TBC1D10A: variants seen among roughly 807,000 people sequenced by gnomAD.
TBC1D10A encodes the protein TBC1 domain family member 10A.
TBC1D10A carries 24 observed loss-of-function variants against 52.9 expected under a neutral mutation model. That is an observed-to-expected ratio of 0.45 (90% confidence interval 0.33 to 0.64). The LOEUF is 0.64. TBC1D10A is among the 30% of genes least tolerant of loss of function. TBC1D10A has a pLI of 0.02. For missense variants in TBC1D10A, 602 were observed against 687.9 expected (o/e 0.88, Z 1.40); for synonymous variants, 278 against 282.9 (o/e 0.98, Z 0.17).
At chr22:30,299,667 G>T in intron 2 of TBC1D10A, 116 bp from the exon 3 acceptor site, 4 of 958,950 alleles carry the variant, frequency 4.2e-6, no homozygotes, top group South Asian at 1.6e-5. Context: ...AGCAGAAACA[G>T]GGAGAAAAGA....
chr22:30,319,716 C>T (rs1930613326), intron 1 of TBC1D10A, among the ~76,000 whole-genome samples: 1 of 152,108 alleles, frequency 6.6e-6, no homozygotes, highest in Non-Finnish European at 1.5e-5. Flanking sequence ...ATTGACTTGC[C>T]AGTGGGGTGG....
intron 3 of TBC1D10A, chr22:30,299,145 G>A (rs1463262115): frequency 9.9e-6 from 3 of 301,890 alleles, no homozygotes; most frequent in African/African-American, 2.2e-5. Flanking sequence ...ACTGAGCCCA[G>A]GAAAGCAAAA....
chr22:30,293,657 G>A lies in TBC1D10A; in HGVS notation c.1044C>T (p.Val348=), dbSNP rs778555256. 1 of 1,608,154 alleles carries A rather than the reference G, an allele frequency of 6.2e-7. No homozygotes were observed. The highest frequency in any genetic ancestry group is 1.7e-5 in the Admixed American group (1 of 59,850). ...SPKIMQEAFL[V]QEVVELPVTE... is the part of the protein sequence containing the mutation. ...GGGCAGGCATGGGCTGTACCTCCTG[G>A]ACCAGAAAGGCCTCCTGCATGATCT... The change falls in exon 8 of 9, where the codon GTC becomes GTT. Residue 348 remains valine (V), a synonymous_variant. Coordinates refer to ENST00000215790, the MANE Select transcript of TBC1D10A (RefSeq NM_031937.3).
At chr22:30,299,418 G>A (rs1028923499) in intron 3 of TBC1D10A, 26 bp downstream of exon 3, 4 of 1,608,242 alleles carry the variant, frequency 2.5e-6, no homozygotes, top group Non-Finnish European at 2.6e-6. Context: ...CGGAAGGGAG[G>A]GCAGGGCAAA....
At chr22:30,321,277 C>A (rs1601681921) in intron 1 of TBC1D10A, among the ~76,000 whole-genome samples, 1 of 152,172 alleles carries the variant, frequency 6.6e-6, no homozygotes, top group Admixed American at 6.5e-5. Flanking sequence ...AGTCACAGCC[C>A]AGGGCCCCAT....
intron 1 of TBC1D10A, among the ~76,000 whole-genome samples, chr22:30,308,675 C>G (rs984301187): frequency 6.6e-6 from 1 of 152,190 alleles, no homozygotes; most frequent in African/African-American, 2.4e-5. Flanking sequence ...TCAGCACTGT[C>G]CCTCCCCAGC....
intron 1 of TBC1D10A, among the ~76,000 whole-genome samples, chr22:30,313,681 G>A (rs12170269): frequency 0.024 from 3,614 of 149,356 alleles, 129 homozygotes; most frequent in African/African-American, 0.082. Flanking sequence ...GATTACAGGC[G>A]TGAGCCACCG....
At chr22:30,322,601 T>C in intron 1 of TBC1D10A, among the ~76,000 whole-genome samples, 1 of 128,772 alleles carries the variant, frequency 7.8e-6, no homozygotes, top group East Asian at 2.2e-4. Flanking sequence ...AGCTTTTTTT[T>C]TTTTTTTTTT....
chr22:30,294,650 C>T, intron 6 of TBC1D10A, 146 bp downstream of exon 6: 1 of 953,152 alleles, frequency 1.0e-6, no homozygotes, highest in Non-Finnish European at 1.6e-6. Flanking sequence ...GGAGACCTAA[C>T]CCTGGCAGGC....
intron 2 of TBC1D10A, among the ~76,000 whole-genome samples, chr22:30,303,593 G>A (rs1930251565): frequency 1.3e-5 from 2 of 152,248 alleles, no homozygotes; most frequent in Admixed American, 1.3e-4. Context: ...CTGGGCCCAA[G>A]TCTATATGCC....
At chr22:30,326,031 C>T (rs1407305177) in intron 1 of TBC1D10A, among the ~76,000 whole-genome samples, 2 of 151,990 alleles carry the variant, frequency 1.3e-5, no homozygotes, top group Non-Finnish European at 2.9e-5. Context: ...CTTCTCCGAC[C>T]CTTCCATGAG....
rs897006236 is a variant in TBC1D10A at position 30,326,606 on chromosome 22, G to A, written c.209+67C>T. The A allele has an allele frequency of 4.1e-6, 6 of 1,460,238 alleles. No individual in the cohort carries two copies. In the African/African-American group the frequency reaches 4.4e-5, roughly 11 times the overall value. The allele number at this position is 1,460,238 out of a possible 1,614,324, so 90.5% of individuals were successfully genotyped here. A position where few individuals can be genotyped will look rare whatever the true frequency, so the allele number is the denominator to read the frequency against. ...GGACGTGTCGGCAAGTCCCGAGGGC[G>A]CCTCCGTCCGTGTCGAGGCCCCTCG... is the stretch of plus-strand genomic sequence containing the variant. On this transcript the variant is annotated intron_variant, in intron 1 of 8. Transcript: ENST00000215790.
At chr22:30,305,671 C>G (rs1930296504) in intron 1 of TBC1D10A, 1 of 152,230 alleles carries the variant, frequency 6.6e-6, no homozygotes. Context: ...GTCTCTGATC[C>G]TCTCTCTGCC....
chr22:30,326,800 G>C lies in TBC1D10A; in HGVS notation c.82C>G (p.Gln28Glu). ...TCGGTGGTTGCGGCGTCGGGGCCCTGGGCCAGGCTCTCCCGGGTTCCCGAC... is the reference window on the plus strand; with the variant it reads ...TCGGTGGTTGCGGCGTCGGGGCCCTCGGCCAGGCTCTCCCGGGTTCCCGAC... ...SLSGTRESLA[Q>E]GPDAATTDEL... The change falls in exon 1 of 9, where the codon CAG becomes GAG. Residue 28 changes from glutamine to glutamate, a missense_variant. Physicochemically the swap from Gln to Glu is conservative, Grantham distance 29. Around this residue, in one of 3 missense-constraint regions of TBC1D10A, gnomAD observed 201 missense variants for 204.4 expected, o/e 0.98. Transcript: ENST00000215790. 6.7e-7 allele frequency: 1 copy of C among 1,490,726 alleles called. No individual in the cohort carries two copies. The highest frequency in any genetic ancestry group is 8.9e-7 in the Non-Finnish European group (1 of 1,120,264). The allele number at this position is 1,490,726 out of a possible 1,614,324, so 92.3% of individuals were successfully genotyped here.
intron 1 of TBC1D10A, among the ~76,000 whole-genome samples, chr22:30,312,528 C>T (rs1930446575): frequency 6.6e-6 from 1 of 152,198 alleles, no homozygotes; most frequent in African/African-American, 2.4e-5. Flanking sequence ...AAGACCTTTT[C>T]TCAAAACAAA....
chr22:30,296,587 T>C (rs1039390675), intron 3 of TBC1D10A: 2 of 152,250 alleles, frequency 1.3e-5, no homozygotes, highest in African/African-American at 2.4e-5. Context: ...CAACAAAGTT[T>C]TACTCTTTTC....
Position 30,309,798 on chromosome 22 carries a change from G to T in TBC1D10A, c.210-5168C>A, listed in dbSNP as rs894827378. 2.6e-5 allele frequency among the ~76,000 whole-genome samples: 4 copies of T among 152,228 alleles called. No individual in the cohort carries two copies. In the South Asian group the frequency reaches 8.3e-4, roughly 31 times the overall value. On this transcript the variant is annotated intron_variant, in intron 1 of 8. Transcript: ENST00000215790. The stretch of plus-strand genomic sequence containing the variant: ...GCTTCCCAGGCTACTGAGACCAAGG[G>T]CTGGGGTTCTCTCTTCCCTTGTCCT...
chr22:30,316,455 GTTT>G (rs1456413812), intron 1 of TBC1D10A, among the ~76,000 whole-genome samples: 1 of 142,166 alleles, frequency 7.0e-6, no homozygotes, highest in South Asian at 2.1e-4. Flanking sequence ...CACTGTTTTT[GTTT>G]TTGTTTTTTT....
chr22:30,321,348 C>T (rs1042488803), intron 1 of TBC1D10A, among the ~76,000 whole-genome samples: 1 of 152,226 alleles, frequency 6.6e-6, no homozygotes, highest in African/African-American at 2.4e-5. Flanking sequence ...CAGCTCCATG[C>T]TCTCCTGGGA....
Sources: allele counts gnomAD v4.1 joint callset (sites outside exome capture counted in the v4.1 genomes callset), GRCh38; gene constraint gnomAD v4.1.1; regional missense constraint gnomAD v4.1.1; transcripts MANE v1.5; gene names NCBI Gene and HGNC (gene_info 2026-07-23, HGNC 2026-07-21).